Variants in MYLK3 observed in about 807,000 individuals in gnomAD.
The protein encoded by MYLK3 is MLC kinase.
MYLK3 carries 55 observed loss-of-function variants against 76.3 expected under a neutral mutation model. The observed-to-expected ratio is 0.72, with a 90% confidence interval of 0.58 to 0.90. The LOEUF is 0.90. Among genes scored for constraint, MYLK3 ranks in the 40% least tolerant of loss-of-function variants. The pLI, the probability that MYLK3 is intolerant of heterozygous loss-of-function variation, is 0.00. For synonymous variants in MYLK3, 416 were observed against 425.4 expected, an observed-to-expected ratio of 0.98 and a Z score of 0.27; for missense variants, 973 against 1,053.6, an observed-to-expected ratio of 0.92 and a Z score of 1.06.
intron 1 of MYLK3, chr16:46,763,015 T>C (rs571496292): frequency 1.3e-5 from 13 of 985,354 alleles, no homozygotes; most frequent in African/African-American, 1.7e-5. Flanking sequence ...ACACACACAG[T>C]AGGTTTATCA....
At chr16:46,731,989 C>T (rs888982573) in intron 4 of MYLK3, among the ~76,000 whole-genome samples, 1 of 152,066 alleles carries the variant, frequency 6.6e-6, no homozygotes, top group Non-Finnish European at 1.5e-5. Flanking sequence ...CCACACGTGT[C>T]CCCTCTCCCT....
At chr16:46,713,090 T>C (rs1393979148) in intron 9 of MYLK3, among the ~76,000 whole-genome samples, 1 of 152,180 alleles carries the variant, frequency 6.6e-6, no homozygotes, top group Non-Finnish European at 1.5e-5. Context: ...TGGGAAGTTA[T>C]TATTTAATGG....
chr16:46,730,940 G>A (rs984603321), intron 4 of MYLK3, among the ~76,000 whole-genome samples: 16 of 152,230 alleles, frequency 1.1e-4, no homozygotes, highest in African/African-American at 3.1e-4. Flanking sequence ...TGGCAAGGCC[G>A]AGAAGTTCTA....
chr16:46,758,428 C>T (rs575397040), intron 1 of MYLK3, among the ~76,000 whole-genome samples: 3 of 152,136 alleles, frequency 2.0e-5, no homozygotes, highest in Non-Finnish European at 2.9e-5. Flanking sequence ...ACAGCCCCTG[C>T]GCTGAGCGCT....
chr16:46,752,844 T>C (rs1460662890), upstream of MYLK3, among the ~76,000 whole-genome samples: 1 of 152,122 alleles, frequency 6.6e-6, no homozygotes. Flanking sequence ...GGAGACACTG[T>C]ACTCCAACCT....
exon 1 of MYLK3, chr16:46,763,234 T>A (rs540519448): frequency 1.0e-6 from 1 of 985,548 alleles, no homozygotes; most frequent in South Asian, 4.7e-5. Flanking sequence ...CTTCCTCTGC[T>A]GGTCGGCCCT....
At chr16:46,723,096 C>CA (rs371141046) in intron 8 of MYLK3, among the ~76,000 whole-genome samples, 40 of 146,450 alleles carry the variant, frequency 2.7e-4, no homozygotes, top group South Asian at 6.5e-4. Flanking sequence ...TTCATCACCT[C>CA]AAAAAAAAAA....
chr16:46,754,314 A>G (rs1247661926), intron 1 of MYLK3, among the ~76,000 whole-genome samples: 4 of 135,858 alleles, frequency 2.9e-5, no homozygotes, highest in African/African-American at 7.9e-5. Flanking sequence ...AATTTAAAAG[A>G]AAAAAAAAAA....
intron 1 of MYLK3, among the ~76,000 whole-genome samples, chr16:46,745,423 G>A (rs904052219): frequency 1.3e-5 from 2 of 152,076 alleles, no homozygotes; most frequent in African/African-American, 4.8e-5. Flanking sequence ...TCGGGGCCAG[G>A]ACAATGTGAA....
Position 46,704,152 on chromosome 16 carries a change from C to G in MYLK3, c.*3552G>C, listed in dbSNP as rs1302792930. 2 of 152,306 alleles carry G rather than the reference C, an allele frequency of 1.3e-5. No homozygotes were observed. Among genetic ancestry groups the G allele is most frequent in the South Asian group, 2.1e-4 (1 of 4,822 alleles). The allele number at this position is 152,306 out of a possible 1,614,324, so 9.4% of individuals were successfully genotyped here. A position where few individuals can be genotyped will look rare whatever the true frequency, so the allele number is the denominator to read the frequency against. On this transcript the variant is annotated 3_prime_UTR_variant, in exon 13 of 13. Transcript: ENST00000394809. ...GGGGACAAAGTTTTGCTCTGCCACC[C>G]AGGCTGGAGTGCAGTGGTGTGATCT...
intron 3 of MYLK3, among the ~76,000 whole-genome samples, chr16:46,737,307 T>C (rs935000162): frequency 1.3e-5 from 2 of 152,178 alleles, no homozygotes; most frequent in Non-Finnish European, 2.9e-5. Context: ...CCCGGTGAAA[T>C]GCCCAGCCAA....
chr16:46,707,610 C>A lies in MYLK3; in HGVS notation c.*94G>T. 2.3e-6 allele frequency: 2 copies of A among 878,054 alleles called. No individual in the cohort carries two copies. Among genetic ancestry groups the A allele is most frequent in the Non-Finnish European group, 3.6e-6 (2 of 561,714 alleles). The allele number at this position is 878,054 out of a possible 1,614,324, so 54.4% of individuals were successfully genotyped here. ...ACAAAATAAGTGGAATCAATAATAC[C>A]AAAAAGCCAAATTATTTAAATGTTT... On this transcript the variant is annotated 3_prime_UTR_variant, in exon 13 of 13. Transcript: ENST00000394809.
intron 3 of MYLK3, among the ~76,000 whole-genome samples, chr16:46,733,519 A>G (rs1966856898): frequency 6.6e-6 from 1 of 152,160 alleles, no homozygotes; most frequent in South Asian, 2.1e-4. Flanking sequence ...GCAATGCCCC[A>G]GCTCACTTCA....
chr16:46,743,003 T>A (rs916102445), intron 1 of MYLK3, among the ~76,000 whole-genome samples: 1 of 152,172 alleles, frequency 6.6e-6, no homozygotes, highest in African/African-American at 2.4e-5. Context: ...CCTTCCCTTA[T>A]CTTTAGGGTA....
chr16:46,725,525 A>G (rs1178035369), intron 8 of MYLK3, among the ~76,000 whole-genome samples: 2 of 152,228 alleles, frequency 1.3e-5, no homozygotes, highest in African/African-American at 4.8e-5. Context: ...CATCTATTAA[A>G]ATGATTACAT....
chr16:46,729,138 G>T lies in MYLK3; in HGVS notation c.1663-5C>A, dbSNP rs781747475. Reference sequence around the variant, plus strand: ...GATCTCGTTCTTCACGTCCTCCTTGGGGGAACCAGAGGACAGAAGGATTTC... The same window carrying T: ...GATCTCGTTCTTCACGTCCTCCTTGTGGGAACCAGAGGACAGAAGGATTTC... On this transcript the variant is annotated splice_region_variant and splice_polypyrimidine_tract_variant and intron_variant, in intron 6 of 12. Transcript: ENST00000394809. The T allele has an allele frequency of 1.2e-6, 2 of 1,611,460 alleles. No homozygotes were observed. The highest frequency in any genetic ancestry group is 1.1e-5 in the South Asian group (1 of 91,030).
intron 9 of MYLK3, among the ~76,000 whole-genome samples, chr16:46,716,147 G>A (rs1966735366): frequency 6.6e-6 from 1 of 152,118 alleles, no homozygotes; most frequent in African/African-American, 2.4e-5. Context: ...GAGCCCAGCT[G>A]TTTTCCATGA....
At chr16:46,729,189 C>A (rs1256424690) in intron 6 of MYLK3, 56 bp from the exon 7 acceptor site, 6 of 1,332,808 alleles carry the variant, frequency 4.5e-6, no homozygotes, top group Non-Finnish European at 6.5e-6. Context: ...AGAAGAGGAG[C>A]CAGCTGACCT....
Position 46,707,112 on chromosome 16 carries a change from ACAGTCAAAATGAT to A in MYLK3, c.*579_*591del, listed in dbSNP as rs1199621542. The A allele has an allele frequency of 6.6e-6, 1 of 152,240 alleles. No homozygotes were observed. The highest frequency in any genetic ancestry group is 1.5e-5 in the Non-Finnish European group (1 of 68,052). The allele number at this position is 152,240 out of a possible 1,614,324, so 9.4% of individuals were successfully genotyped here. A position where few individuals can be genotyped will look rare whatever the true frequency, so the allele number is the denominator to read the frequency against. On this transcript the variant is annotated 3_prime_UTR_variant, in exon 13 of 13. Coordinates refer to ENST00000394809, the MANE Select transcript of MYLK3 (RefSeq NM_182493.3). ...GGAGGTGTGTGGAGATTTAAAAAGC[ACAGTCAAAATGAT>A]CACTTCTTTGATTTGGCTATGAGAG...
Sources: allele counts gnomAD v4.1 joint callset (sites outside exome capture counted in the v4.1 genomes callset), GRCh38; gene constraint gnomAD v4.1.1; transcripts MANE v1.5; gene names NCBI Gene and HGNC (gene_info 2026-07-23, HGNC 2026-07-21).